Variants in SUPT3H observed in about 807,000 individuals in gnomAD.
SUPT3H encodes the protein transcription initiation protein SPT3 homolog.
A neutral mutation model predicts 44.3 loss-of-function variants in SUPT3H; 44 were observed. The observed-to-expected ratio is 0.99, with a 90% CI of 0.78 to 1.28. SUPT3H has a LOEUF of 1.28. Among genes scored for constraint, SUPT3H ranks in the 50% most tolerant of loss-of-function variants. The pLI, the probability that SUPT3H is intolerant of heterozygous loss-of-function variation, is 0.00. For missense variants in SUPT3H, 380 were observed against 387.1 expected (o/e 0.98, Z 0.15); for synonymous variants, 124 against 125.6 (o/e 0.99, Z 0.09).
chr6:45,197,902 G>GT (rs1816349398), intron 2 of SUPT3H: 1 of 165,026 alleles, frequency 6.1e-6, no homozygotes, highest in Admixed American at 6.6e-5. Context: ...ACTTAAAGCT[G>GT]TATTTCTCAT....
chr6:45,080,638 G>A (rs954322802), intron 3 of SUPT3H, among the ~76,000 whole-genome samples: 2 of 151,970 alleles, frequency 1.3e-5, no homozygotes, highest in African/African-American at 4.8e-5. Flanking sequence ...AACATAGATG[G>A]AACTGGAGGT....
At chr6:44,901,295 T>G (rs1765002492) in intron 10 of SUPT3H, among the ~76,000 whole-genome samples, 1 of 151,868 alleles carries the variant, frequency 6.6e-6, no homozygotes, top group South Asian at 2.1e-4. Flanking sequence ...GACGAATGGC[T>G]AACTAGAATA....
intron 2 of SUPT3H, among the ~76,000 whole-genome samples, chr6:45,231,034 T>C (rs549279487): frequency 3.3e-5 from 5 of 152,260 alleles, no homozygotes; most frequent in Admixed American, 3.3e-4. Flanking sequence ...GAAAGGTTTT[T>C]CCCCGTCACC....
At chr6:45,030,717 A>C (rs927609386) in intron 3 of SUPT3H, among the ~76,000 whole-genome samples, 3 of 152,188 alleles carry the variant, frequency 2.0e-5, no homozygotes, top group African/African-American at 7.2e-5. Context: ...AATTATGGGG[A>C]GTAAGGAAAG....
intron 2 of SUPT3H, among the ~76,000 whole-genome samples, chr6:45,106,544 T>A (rs1049438984): frequency 8.6e-5 from 13 of 151,954 alleles, no homozygotes; most frequent in African/African-American, 2.2e-4. Context: ...TTTATTTTTT[T>A]TATTTTTTTT....
chr6:45,341,057 C>CT (rs1328438366), intron 2 of SUPT3H, among the ~76,000 whole-genome samples: 1 of 152,102 alleles, frequency 6.6e-6, no homozygotes, highest in Admixed American at 6.5e-5. Flanking sequence ...AGTAAGTGTA[C>CT]TTTTTCCTGT....
Position 44,828,711 on chromosome 6 carries a change from A to G in SUPT3H, c.*1105T>C, listed in dbSNP as rs776589506. Reference sequence around the variant, plus strand: ...CTCTTGAGCAGTATCAAGAAAAAGGAGCAGTATCAAGAAAAAGATCTTTCA... The same window carrying G: ...CTCTTGAGCAGTATCAAGAAAAAGGGGCAGTATCAAGAAAAAGATCTTTCA... On this transcript the variant is annotated 3_prime_UTR_variant, in exon 11 of 11. Transcript: ENST00000371459. 6.6e-6 allele frequency: 1 copy of G among 152,212 alleles called. No homozygotes were observed. The highest frequency in any genetic ancestry group is 2.1e-4 in the South Asian group (1 of 4,814). 9.4% of individuals were successfully genotyped at this position (152,212 alleles called of 1,614,324 possible). A position where few individuals can be genotyped will look rare whatever the true frequency, so the allele number is the denominator to read the frequency against.
chr6:44,825,577 C>T (rs1767679316), downstream of SUPT3H, among the ~76,000 whole-genome samples: 2 of 152,140 alleles, frequency 1.3e-5, no homozygotes, highest in Non-Finnish European at 2.9e-5. Context: ...TGCCTGTGGG[C>T]AACAGGGCAT....
intron 2 of SUPT3H, among the ~76,000 whole-genome samples, chr6:45,203,015 T>C (rs1421978208): frequency 2.6e-5 from 4 of 152,094 alleles, no homozygotes; most frequent in Admixed American, 2.6e-4. Flanking sequence ...AAATATAAGG[T>C]AAAGATAACA....
intron 1 of SUPT3H, among the ~76,000 whole-genome samples, chr6:45,377,067 G>A (rs1258289865): frequency 6.6e-6 from 1 of 151,834 alleles, no homozygotes; most frequent in African/African-American, 2.4e-5. Flanking sequence ...TCACGTGTGA[G>A]ACCAAGTGTC....
intron 3 of SUPT3H, among the ~76,000 whole-genome samples, chr6:45,081,185 A>T (rs561809392): frequency 6.6e-6 from 1 of 151,946 alleles, no homozygotes; most frequent in Non-Finnish European, 1.5e-5. Flanking sequence ...AGAGAGAAAA[A>T]CAATGCCTAC....
intron 3 of SUPT3H, chr6:45,098,478 A>T (rs1798101731): frequency 4.2e-6 from 1 of 239,190 alleles, no homozygotes; most frequent in African/African-American, 2.3e-5. Context: ...TCCAGCTTGG[A>T]CCACACCCTC....
chr6:44,983,764 A>C (rs1218235864), intron 6 of SUPT3H, among the ~76,000 whole-genome samples: 2 of 152,200 alleles, frequency 1.3e-5, no homozygotes, highest in Admixed American at 1.3e-4. Flanking sequence ...TTTTTATTGA[A>C]ATGTTTTACA....
intron 2 of SUPT3H, among the ~76,000 whole-genome samples, chr6:45,257,506 G>A (rs1006090365): frequency 3.9e-5 from 6 of 152,256 alleles, no homozygotes; most frequent in Non-Finnish European, 8.8e-5. Flanking sequence ...TGGGTCACAT[G>A]ACCCTTCTTA....
At chr6:45,106,784 C>T (rs141587897) in intron 2 of SUPT3H, among the ~76,000 whole-genome samples, 2,669 of 152,288 alleles carry the variant, frequency 0.018, 51 homozygotes, top group South Asian at 0.086. Context: ...GATCCACCCA[C>T]CTTGGCCTCC....
intron 10 of SUPT3H, among the ~76,000 whole-genome samples, chr6:44,888,935 A>G (rs9472397): frequency 0.99 from 88,505 of 89,764 alleles, 43,713 homozygotes; most frequent in East Asian, 1. Context: ...ATACAAAATC[A>G]ATGTATAAAA....
chr6:44,897,615 T>C (rs1049188190), intron 10 of SUPT3H, among the ~76,000 whole-genome samples: 1 of 152,188 alleles, frequency 6.6e-6, no homozygotes, highest in Non-Finnish European at 1.5e-5. Flanking sequence ...CATGCTTCCA[T>C]TTTTAGCTCT....
intron 7 of SUPT3H, 34 bp downstream of exon 7, chr6:44,961,719 G>T: frequency 6.8e-7 from 1 of 1,479,646 alleles, no homozygotes; most frequent in Non-Finnish European, 9.4e-7. Flanking sequence ...AATCTCTTAT[G>T]CATATAATTA....
At chr6:45,344,871 AC>A (rs1361421954) in intron 2 of SUPT3H, among the ~76,000 whole-genome samples, 2 of 152,310 alleles carry the variant, frequency 1.3e-5, no homozygotes, top group Non-Finnish European at 2.9e-5. Flanking sequence ...AACTAATGGT[AC>A]AGAATTTTTA....
Sources: gnomAD v4.1 joint callset for allele counts (sites outside exome capture counted in the v4.1 genomes callset) on GRCh38, gnomAD v4.1.1 for gene constraint, MANE v1.5 for transcripts, NCBI Gene and HGNC (gene_info 2026-07-23, HGNC 2026-07-21) for gene names.